Variants in LARP1B observed in about 807,000 individuals in gnomAD.
LARP1B encodes la-related protein 1B.
LARP1B carries 76 observed loss-of-function variants against 114.2 expected under a neutral mutation model. That is an observed-to-expected ratio of 0.67 (90% confidence interval 0.55 to 0.81). The LOEUF is 0.81. LARP1B is among the 30% of genes least tolerant of loss of function. The probability of loss-of-function intolerance (pLI) is 0.00; values close to 1 mark genes in which losing one functional copy is unlikely to be tolerated. For missense variants in LARP1B, 1,014 were observed against 1,075.8 expected (o/e 0.94, Z 0.80); for synonymous variants, 345 against 348.0 (o/e 0.99, Z 0.10).
At chr4:128,086,590 A>C (rs150345072) in intron 5 of LARP1B, among the ~76,000 whole-genome samples, 3,859 of 152,072 alleles carry the variant, frequency 0.025, 83 homozygotes, top group Non-Finnish European at 0.035. Flanking sequence ...CAGCCTCCCA[A>C]AGTGCTGGGA....
intron 7 of LARP1B, among the ~76,000 whole-genome samples, chr4:128,096,536 A>G (rs576223214): frequency 9.9e-5 from 15 of 151,926 alleles, no homozygotes; most frequent in African/African-American, 2.4e-4. Flanking sequence ...TTTTGCTTCC[A>G]TGTGCCTCAT....
At chr4:128,143,649 G>A (rs1729032009) in intron 11 of LARP1B, among the ~76,000 whole-genome samples, 1 of 152,152 alleles carries the variant, frequency 6.6e-6, no homozygotes, top group African/African-American at 2.4e-5. Context: ...CAGTGGAACA[G>A]TGGTGGGGGA....
At chr4:128,153,248 G>A (rs1445789050) in intron 11 of LARP1B, among the ~76,000 whole-genome samples, 1 of 151,578 alleles carries the variant, frequency 6.6e-6, no homozygotes, top group East Asian at 1.9e-4. Flanking sequence ...CTCCCAAAGT[G>A]TTGGGATTAC....
intron 5 of LARP1B, among the ~76,000 whole-genome samples, chr4:128,085,986 G>A (rs989400107): frequency 2.7e-5 from 4 of 149,572 alleles, no homozygotes; most frequent in Non-Finnish European, 5.9e-5. Context: ...TTTGGATTTG[G>A]CTGATTGCTT....
At chr4:128,145,195 C>T (rs1195728902) in intron 11 of LARP1B, among the ~76,000 whole-genome samples, 1 of 152,080 alleles carries the variant, frequency 6.6e-6, no homozygotes, top group African/African-American at 2.4e-5. Flanking sequence ...AGAACTTAAC[C>T]TCCAAATTCT....
chr4:128,077,527 A>AC (rs1561077360), intron 3 of LARP1B, among the ~76,000 whole-genome samples: 2 of 151,820 alleles, frequency 1.3e-5, no homozygotes, highest in Admixed American at 1.3e-4. Flanking sequence ...CAAAAAAAAA[A>AC]AGTGGTATTG....
intron 5 of LARP1B, among the ~76,000 whole-genome samples, chr4:128,086,375 G>C (rs147795997): frequency 6.6e-6 from 1 of 151,770 alleles, no homozygotes; most frequent in Non-Finnish European, 1.5e-5. Context: ...TGTCTTCCAG[G>C]CTAAGTGCAA....
At chr4:128,162,836 A>G (rs1016802400) in intron 12 of LARP1B, among the ~76,000 whole-genome samples, 1 of 152,128 alleles carries the variant, frequency 6.6e-6, no homozygotes, top group Admixed American at 6.6e-5. Context: ...TAAAACTCCC[A>G]TGTACCTGCT....
chr4:128,117,376 A>AT (rs1786236010), intron 10 of LARP1B, among the ~76,000 whole-genome samples: 1 of 151,616 alleles, frequency 6.6e-6, no homozygotes, highest in Non-Finnish European at 1.5e-5. Flanking sequence ...CACCCGGCTA[A>AT]TTTTTGCATT....
At chr4:128,144,501 GTTCT>G (rs1321439787) in intron 11 of LARP1B, among the ~76,000 whole-genome samples, 3 of 151,670 alleles carry the variant, frequency 2.0e-5, no homozygotes, top group Admixed American at 2.0e-4. Context: ...GGTCCTTGAG[GTTCT>G]TTCTGTTTTT....
intron 1 of LARP1B, chr4:128,069,046 G>A (rs1411483161): frequency 1.0e-6 from 1 of 970,058 alleles, no homozygotes; most frequent in Non-Finnish European, 1.6e-6. Flanking sequence ...AGAGTATTGC[G>A]CCTTCTCCAA....
intron 11 of LARP1B, among the ~76,000 whole-genome samples, chr4:128,129,895 C>G (rs1791019253): frequency 1.3e-5 from 2 of 151,866 alleles, no homozygotes. Context: ...ATGTAAAAGA[C>G]AAAACCATAA....
chr4:128,080,578 G>C (rs1305747616), intron 4 of LARP1B, among the ~76,000 whole-genome samples: 2 of 152,112 alleles, frequency 1.3e-5, no homozygotes, highest in Non-Finnish European at 2.9e-5. Flanking sequence ...AATTGCCTTG[G>C]CAGTTTTTTC....
At chr4:128,187,339 C>G (rs1750707851) in intron 15 of LARP1B, among the ~76,000 whole-genome samples, 1 of 152,258 alleles carries the variant, frequency 6.6e-6, no homozygotes, top group Non-Finnish European at 1.5e-5. Context: ...GCTTTGTGAG[C>G]CCACCCCTTG....
At chr4:128,158,265 A>ATCTT (rs1307535683) in intron 11 of LARP1B, among the ~76,000 whole-genome samples, 15 of 152,316 alleles carry the variant, frequency 9.8e-5, no homozygotes, top group African/African-American at 3.6e-4. Flanking sequence ...GAGCAATCAG[A>ATCTT]ACCAAAAAAT....
chr4:128,098,534 C>T (rs1259989735), intron 8 of LARP1B, among the ~76,000 whole-genome samples: 2 of 151,250 alleles, frequency 1.3e-5, no homozygotes, highest in African/African-American at 4.9e-5. Flanking sequence ...AACGATGTTA[C>T]TGTGTATTTT....
At chr4:128,065,152 A>C (rs1013392935) in intron 1 of LARP1B, among the ~76,000 whole-genome samples, 8 of 152,026 alleles carry the variant, frequency 5.3e-5, no homozygotes, top group Non-Finnish European at 1.2e-4. Context: ...TTTGGATGGA[A>C]TCCATTCTGC....
chr4:128,100,919 G>A (rs148392453), intron 8 of LARP1B, among the ~76,000 whole-genome samples: 2 of 150,500 alleles, frequency 1.3e-5, no homozygotes, highest in East Asian at 4.1e-4. Context: ...CTGGGTTCAA[G>A]CGAGTCTCCT....
chr4:128,076,180 A>G (rs1258484078), intron 3 of LARP1B, among the ~76,000 whole-genome samples: 3 of 151,956 alleles, frequency 2.0e-5, no homozygotes, highest in African/African-American at 7.3e-5. Flanking sequence ...CATCTGGCTA[A>G]TTTTTGTATT....
Sources: allele counts gnomAD v4.1 joint callset (sites outside exome capture counted in the v4.1 genomes callset), GRCh38; gene constraint gnomAD v4.1.1; transcripts MANE v1.5; gene names NCBI Gene and HGNC (gene_info 2026-07-23, HGNC 2026-07-21).